SOCS2: variants seen among roughly 807,000 people sequenced by gnomAD.
SOCS2 encodes suppressor of cytokine signaling 2.
In SOCS2, 10 loss-of-function variants were observed where a neutral mutation model predicts 18.6. The observed-to-expected ratio is 0.54, with a 90% confidence interval of 0.33 to 0.91. The LOEUF is 0.91. Ranked by LOEUF, SOCS2 falls within the 40% of genes least tolerant of loss-of-function variation. The pLI is 0.02. For synonymous variants in SOCS2, 104 were observed against 104.0 expected, an observed-to-expected ratio of 1.00 and a Z score of 0.00; for missense variants, 231 against 247.2, an observed-to-expected ratio of 0.93 and a Z score of 0.44.
chr12:93,614,389 CTT>C, the SOCS2 span, among the ~76,000 whole-genome samples: 5 of 139,020 alleles, frequency 3.6e-5, no homozygotes, highest in Admixed American at 7.3e-5. Context: ...TTCTTTCTTT[CTT>C]TCTTTCTTTC....
chr12:93,601,529 G>A, the SOCS2 span, among the ~76,000 whole-genome samples: 5 of 152,016 alleles, frequency 3.3e-5, no homozygotes, highest in African/African-American at 9.7e-5. Context: ...GGTTGGTCTC[G>A]AACTCCTGAA....
At chr12:93,595,597 T>A in the SOCS2 span, among the ~76,000 whole-genome samples, 2 of 152,234 alleles carry the variant, frequency 1.3e-5, no homozygotes, top group African/African-American at 4.8e-5. Context: ...CTTTCATTCG[T>A]GTTAAATTCA....
At chr12:93,588,088 T>C (rs948123222), downstream of SOCS2, among the ~76,000 whole-genome samples, 3 of 152,130 alleles carry the variant, frequency 2.0e-5, no homozygotes, top group African/African-American at 7.2e-5. Context: ...TGAACTTGGA[T>C]TGGAAAAAAG....
At chr12:93,617,743 G>T in the SOCS2 span, among the ~76,000 whole-genome samples, 1 of 152,030 alleles carries the variant, frequency 6.6e-6, no homozygotes, top group Non-Finnish European at 1.5e-5. Context: ...TAGGATACTG[G>T]TTGGGAAAGA....
At chr12:93,626,085 G>T in the SOCS2 span, among the ~76,000 whole-genome samples, 1 of 152,156 alleles carries the variant, frequency 6.6e-6, no homozygotes, top group Non-Finnish European at 1.5e-5. Context: ...TTCTGCCAAA[G>T]GTTTGGTTCT....
At chr12:93,586,177 G>A (rs185622448), downstream of SOCS2, among the ~76,000 whole-genome samples, 28 of 152,162 alleles carry the variant, frequency 1.8e-4, no homozygotes, top group African/African-American at 6.7e-4. Flanking sequence ...CTGAATGACC[G>A]GAAGTTCTTC....
At chr12:93,594,640 A>G in the SOCS2 span, among the ~76,000 whole-genome samples, 48 of 151,856 alleles carry the variant, frequency 3.2e-4, no homozygotes, top group East Asian at 8.7e-3. Context: ...TTTTTCCTGG[A>G]TAATTAGTAT....
the SOCS2 span, among the ~76,000 whole-genome samples, chr12:93,616,676 A>G: frequency 6.6e-6 from 1 of 152,184 alleles, no homozygotes; most frequent in African/African-American, 2.4e-5. Flanking sequence ...CTGCATTTCA[A>G]TGGGCGGGGG....
the SOCS2 span, among the ~76,000 whole-genome samples, chr12:93,609,783 G>A: frequency 6.6e-6 from 1 of 152,136 alleles, no homozygotes; most frequent in Non-Finnish European, 1.5e-5. Context: ...GTCTTAGTTT[G>A]TTTTGTGTTG....
chr12:93,608,449 T>C, the SOCS2 span, among the ~76,000 whole-genome samples: 3 of 152,154 alleles, frequency 2.0e-5, no homozygotes, highest in Admixed American at 2.0e-4. Context: ...AAGCCTGTTC[T>C]TCATGCTAGA....
At chr12:93,599,163 CTGTT>C in the SOCS2 span, among the ~76,000 whole-genome samples, 3 of 138,712 alleles carry the variant, frequency 2.2e-5, no homozygotes, top group South Asian at 6.6e-4. Context: ...TGCTGTTGTG[CTGTT>C]TGTCTTTTTT....
the SOCS2 span, among the ~76,000 whole-genome samples, chr12:93,613,268 A>G: frequency 2.0e-5 from 3 of 152,364 alleles, no homozygotes; most frequent in East Asian, 5.8e-4. Flanking sequence ...TTTTCAGTCC[A>G]TATGAAAAAT....
downstream of SOCS2, among the ~76,000 whole-genome samples, chr12:93,577,727 T>A (rs1954486260): frequency 6.6e-6 from 1 of 152,054 alleles, no homozygotes; most frequent in Non-Finnish European, 1.5e-5. Context: ...GCCCAGTGGT[T>A]TTTTTCCCCT....
Position 93,575,261 on chromosome 12 carries a change from C to G in SOCS2, c.*82C>G. 1 of 936,896 alleles carries G rather than the reference C, an allele frequency of 1.1e-6. No individual in the cohort carries two copies. Among genetic ancestry groups the G allele is most frequent in the Non-Finnish European group, 1.6e-6 (1 of 638,678 alleles). 58.0% of individuals were successfully genotyped at this position (936,896 alleles called of 1,614,324 possible). Reference sequence around the variant, plus strand: ...AAAAGAGAACCAAAACTTGAGTGCTCTGGATAACTATATGGAATGCTTTCT... The same window carrying G: ...AAAAGAGAACCAAAACTTGAGTGCTGTGGATAACTATATGGAATGCTTTCT... On this transcript the variant is annotated 3_prime_UTR_variant, in exon 2 of 2. Transcript: ENST00000551556.
chr12:93,612,659 G>GT, the SOCS2 span, among the ~76,000 whole-genome samples: 10 of 152,182 alleles, frequency 6.6e-5, 1 homozygote, highest in African/African-American at 2.4e-4. Flanking sequence ...GAATTGTATT[G>GT]TTTTTTTCCA....
chr12:93,582,224 G>A (rs565151450), intron 1 of SOCS2, among the ~76,000 whole-genome samples: 1 of 152,194 alleles, frequency 6.6e-6, no homozygotes, highest in Non-Finnish European at 1.5e-5. Context: ...TTGGCTGAAA[G>A]GTTGAAGAAG....
At chr12:93,574,476 A>C in intron 1 of SOCS2, 1 of 355,922 alleles carries the variant, frequency 2.8e-6, no homozygotes. Context: ...AGCTTCAGAA[A>C]GTTGATTTTT....
downstream of SOCS2, among the ~76,000 whole-genome samples, chr12:93,578,926 A>G (rs573138991): frequency 2.6e-5 from 4 of 152,306 alleles, no homozygotes; most frequent in African/African-American, 9.6e-5. Context: ...CCTGTGGGAT[A>G]ATTACAGTTC....
the SOCS2 span, among the ~76,000 whole-genome samples, chr12:93,611,443 G>A: frequency 2.6e-5 from 4 of 152,038 alleles, no homozygotes; most frequent in Non-Finnish European, 5.9e-5. Flanking sequence ...CACCATGTTG[G>A]CTAGGCTGGT....
Sources: allele counts gnomAD v4.1 joint callset (sites outside exome capture counted in the v4.1 genomes callset), GRCh38; gene constraint gnomAD v4.1.1; transcripts MANE v1.5; gene names NCBI Gene and HGNC (gene_info 2026-07-23, HGNC 2026-07-21).